Variants in ZNF75A observed in about 807,000 individuals in gnomAD.
The protein encoded by ZNF75A is zinc finger protein 75A.
A neutral mutation model predicts 46.3 loss-of-function variants in ZNF75A; 36 were observed. The ratio of observed to expected loss-of-function variants is 0.78; its 90% CI spans 0.60 to 1.03. The LOEUF (loss-of-function observed/expected upper bound fraction) is 1.03, where lower values mean the gene tolerates loss of function less well. Ranked by LOEUF, ZNF75A falls within the 50% of genes least tolerant of loss-of-function variation. The probability of loss-of-function intolerance (pLI) is 0.00; values close to 1 mark genes in which losing one functional copy is unlikely to be tolerated. For synonymous variants in ZNF75A, 234 were observed against 189.9 expected, an observed-to-expected ratio of 1.23 and a Z score of -1.91; for missense variants, 595 against 551.3, an observed-to-expected ratio of 1.08 and a Z score of -0.79.
intron 5 of ZNF75A, among the ~76,000 whole-genome samples, chr16:3,315,567 T>A (rs780890512): frequency 2.0e-5 from 3 of 152,172 alleles, no homozygotes; most frequent in African/African-American, 7.2e-5. Context: ...TTCTTAGCTC[T>A]ACTTTGACAT....
chr16:3,307,517 A>G (rs1960382251), intron 1 of ZNF75A: 2 of 151,692 alleles, frequency 1.3e-5, no homozygotes, highest in African/African-American at 2.4e-5. Flanking sequence ...AGGTGCCTTT[A>G]TTTTTAGTTT....
In ZNF75A at chr16:3,310,702, CAA is replaced by C. The variant is rs1046222723; in HGVS notation, c.409-1049_409-1048del. ...AAAGAAAACATAGAAAAAAGGGAAA[CAA>C]AGATTTGGAAAAAAGAAAAATCCCA... On this transcript the variant is annotated intron_variant, in intron 2 of 6. Coordinates refer to ENST00000669516, the MANE Select transcript of ZNF75A (RefSeq NM_001302109.2). The C allele has an allele frequency of 1.9e-5, 19 of 985,518 alleles. No homozygotes were observed. In the Middle Eastern group the frequency reaches 2.1e-3, roughly 108 times the overall value. 61.0% of individuals were successfully genotyped at this position (985,518 alleles called of 1,614,324 possible). A position where few individuals can be genotyped will look rare whatever the true frequency, so the allele number is the denominator to read the frequency against.
In ZNF75A at chr16:3,317,647, G is replaced by T; in HGVS notation, c.1392G>T (p.Gly464=). ...AACCATATAAATGTTCATGGTGTGG[G>T]AAAAGCTTCAGTCAAAATACAAATT... ...GIKPYKCSWC[G]KSFSQNTNLH... is the part of the protein sequence containing the mutation. Residue 464 remains glycine, a synonymous_variant, in exon 7 of 7, where the codon GGG becomes GGT. Transcript: ENST00000669516. 1.2e-6 allele frequency: 2 copies of T among 1,614,038 alleles called. No homozygotes were observed. Among genetic ancestry groups the T allele is most frequent in the African/African-American group, 1.3e-5 (1 of 75,006 alleles).
intron 5 of ZNF75A, among the ~76,000 whole-genome samples, chr16:3,314,103 C>G (rs533785001): frequency 3.9e-5 from 6 of 152,062 alleles, no homozygotes; most frequent in Admixed American, 6.5e-5. Context: ...CTCTTGAAAA[C>G]TGAGGATAAT....
chr16:3,315,323 C>T (rs112012854), intron 5 of ZNF75A, among the ~76,000 whole-genome samples: 1 of 151,688 alleles, frequency 6.6e-6, no homozygotes, highest in South Asian at 2.1e-4. Context: ...TCCCAAGTAG[C>T]TGAGACTACA....
chr16:3,322,546 A>T (rs191325522), downstream of ZNF75A, among the ~76,000 whole-genome samples: 96 of 152,260 alleles, frequency 6.3e-4, no homozygotes, highest in African/African-American at 2.2e-3. Flanking sequence ...TAAGCAAGCT[A>T]CCTTTTGCAT....
chr16:3,319,094 AACTG>A (rs1482154898), downstream of ZNF75A, among the ~76,000 whole-genome samples: 6 of 152,132 alleles, frequency 3.9e-5, no homozygotes, highest in Admixed American at 3.9e-4. Context: ...GGGGTTAAAT[AACTG>A]ACCTCTTCCA....
chr16:3,308,834 G>A lies in ZNF75A; in HGVS notation c.406G>A (p.Gly136Arg). 2 of 985,818 alleles carry A rather than the reference G, an allele frequency of 2.0e-6. No individual in the cohort carries two copies. The highest frequency in any genetic ancestry group is 3.5e-5 in the African/African-American group (2 of 57,354). The allele number at this position is 985,818 out of a possible 1,614,324, so 61.1% of individuals were successfully genotyped here. ...GAGGGAATCTGGTCAAACATGGAAT[G>A]GGGTGAGAAGAAAGATTCCTGACAT... Reference protein sequence around the residue: ...LQRESGQTWNGVAVHELGKEA... With the variant: ...LQRESGQTWNRVAVHELGKEA... Residue 136 changes from glycine (G) to arginine (R), a missense_variant and splice_region_variant, in exon 2 of 7, where the codon GGG (glycine) becomes AGG (arginine). By Grantham distance (125) the Gly-to-Arg change is moderately radical. Coordinates refer to ENST00000669516, the MANE Select transcript of ZNF75A (RefSeq NM_001302109.2).
At chr16:3,310,776 C>T (rs565086447) in intron 2 of ZNF75A, 1 of 985,392 alleles carries the variant, frequency 1.0e-6, no homozygotes, top group Non-Finnish European at 1.2e-6. Context: ...AATGTCCTCC[C>T]TATAGTAGAT....
intron 3 of ZNF75A, 71 bp downstream of exon 3, chr16:3,312,019 G>C (rs766879962): frequency 1.2e-6 from 1 of 838,746 alleles, no homozygotes; most frequent in African/African-American, 1.8e-5. Context: ...AAATGTCATG[G>C]GCATTTTTTG....
At chr16:3,309,074 G>C (rs1960508664) in intron 2 of ZNF75A, 2 of 156,882 alleles carry the variant, frequency 1.3e-5, no homozygotes, top group African/African-American at 2.4e-5. Context: ...GCCCTCTTTG[G>C]AGCCAGGGTG....
At chr16:3,315,431 G>A (rs1961138733) in intron 5 of ZNF75A, among the ~76,000 whole-genome samples, 1 of 152,094 alleles carries the variant, frequency 6.6e-6, no homozygotes, top group African/African-American at 2.4e-5. Context: ...TCCTGACCTT[G>A]TGATCCACCT....
At chr16:3,321,166 A>G (rs1184426991), downstream of ZNF75A, among the ~76,000 whole-genome samples, 1 of 152,240 alleles carries the variant, frequency 6.6e-6, no homozygotes, top group Admixed American at 6.5e-5. Context: ...GGCTTGCTTT[A>G]AAAATGAAAT....
At chr16:3,310,873 C>A in intron 2 of ZNF75A, 1 of 985,476 alleles carries the variant, frequency 1.0e-6, no homozygotes, top group Non-Finnish European at 1.2e-6. Context: ...TGGGTGGCGA[C>A]ACATCTGCTG....
intron 2 of ZNF75A, among the ~76,000 whole-genome samples, chr16:3,310,360 C>T (rs1233411489): frequency 6.6e-6 from 1 of 151,542 alleles, no homozygotes; most frequent in Non-Finnish European, 1.5e-5. Flanking sequence ...CACCACTGCA[C>T]TCCAGCCAGG....
intron 6 of ZNF75A, 57 bp downstream of exon 6, chr16:3,317,079 T>G (rs1369789589): frequency 1.3e-6 from 2 of 1,544,062 alleles, no homozygotes; most frequent in Admixed American, 4.1e-5. Flanking sequence ...TTGCAAGGGC[T>G]TAACATTTTA....
downstream of ZNF75A, chr16:3,323,272 T>C: frequency 1.2e-6 from 1 of 840,840 alleles, no homozygotes; most frequent in East Asian, 2.4e-5. Flanking sequence ...ACTGTATTTT[T>C]GGTAGCATGA....
At chr16:3,315,712 G>C (rs898603537) in intron 5 of ZNF75A, among the ~76,000 whole-genome samples, 4 of 152,154 alleles carry the variant, frequency 2.6e-5, no homozygotes, top group Non-Finnish European at 5.9e-5. Context: ...CCCACAGTCT[G>C]TTTTCTACAC....
In ZNF75A at chr16:3,305,562, G is replaced by C. The variant is rs907195266; in HGVS notation, c.-198G>C. On this transcript the variant is annotated 5_prime_UTR_variant, in exon 1 of 7. Coordinates refer to ENST00000669516, the MANE Select transcript of ZNF75A (RefSeq NM_001302109.2). ...GGTGGGCTGGCGGTTGCGCTCCTCA[G>C]ATCGGCGGCCTTTCGGGCGGTGGCT... 6.6e-6 allele frequency: 1 copy of C among 152,304 alleles called. No individual in the cohort carries two copies. Among genetic ancestry groups the C allele is most frequent in the Non-Finnish European group, 1.5e-5 (1 of 68,108 alleles). 9.4% of individuals were successfully genotyped at this position (152,304 alleles called of 1,614,324 possible).
Sources: gnomAD v4.1 joint callset for allele counts (sites outside exome capture counted in the v4.1 genomes callset) on GRCh38, gnomAD v4.1.1 for gene constraint, MANE v1.5 for transcripts, NCBI Gene and HGNC (gene_info 2026-07-23, HGNC 2026-07-21) for gene names.